Variants in SYTL3 observed in about 807,000 individuals in gnomAD.
The protein encoded by SYTL3 is synaptotagmin like 3.
Under a neutral mutation model 82.1 loss-of-function variants are expected in SYTL3, and 88 were observed. The observed-to-expected ratio is 1.07, with a 90% CI of 0.90 to 1.28. The LOEUF (loss-of-function observed/expected upper bound fraction) is 1.28, where lower values mean the gene tolerates loss of function less well. Ranked by LOEUF, SYTL3 falls within the 50% of genes most tolerant of loss-of-function variation. The pLI, the probability that SYTL3 is intolerant of heterozygous loss-of-function variation, is 0.00. For missense variants in SYTL3, 831 were observed against 757.6 expected (o/e 1.10, Z -1.14); for synonymous variants, 311 against 289.4 (o/e 1.07, Z -0.76).
chr6:158,692,500 C>T (rs886782145), intron 6 of SYTL3, among the ~76,000 whole-genome samples: 3 of 151,814 alleles, frequency 2.0e-5, no homozygotes, highest in Non-Finnish European at 2.9e-5. Context: ...CAGCAGTAAA[C>T]GTGATTGAGT....
chr6:158,692,245 G>C (rs781532158), intron 6 of SYTL3, among the ~76,000 whole-genome samples: 1 of 90,872 alleles, frequency 1.1e-5, no homozygotes, highest in Non-Finnish European at 2.0e-5. Flanking sequence ...GCGACAGAGC[G>C]AGACTCCGTC....
chr6:158,762,285 T>C, intron 16 of SYTL3, 107 bp downstream of exon 16: 1 of 752,552 alleles, frequency 1.3e-6, no homozygotes, highest in Non-Finnish European at 2.1e-6. Flanking sequence ...TAAAACGTCT[T>C]ATTTTAGCTT....
chr6:158,653,629 G>T (rs968532416), intron 2 of SYTL3, among the ~76,000 whole-genome samples: 1 of 152,218 alleles, frequency 6.6e-6, no homozygotes, highest in African/African-American at 2.4e-5. Flanking sequence ...GTGGCTGCAC[G>T]CTGAAGCTGT....
chr6:158,709,787 A>G (rs1464238471), intron 8 of SYTL3, among the ~76,000 whole-genome samples: 2 of 152,338 alleles, frequency 1.3e-5, no homozygotes, highest in Non-Finnish European at 2.9e-5. Flanking sequence ...ATTTTGAAGA[A>G]ATTTATTTAA....
chr6:158,745,461 C>A lies in SYTL3; in HGVS notation c.856-19C>A, dbSNP rs1387922242. ...AATTAACTGAAGTAACTTATTATAT[C>A]TGTTATTCTTGATTTCAGGGAAGTT... On this transcript the variant is annotated intron_variant, in intron 11 of 17. Coordinates refer to ENST00000611299, the MANE Select transcript of SYTL3 (RefSeq NM_001242394.2). 6.3e-7 allele frequency: 1 copy of A among 1,597,704 alleles called. No individual in the cohort carries two copies.
In SYTL3 at chr6:158,707,223, C is replaced by G. The variant is rs778814744; in HGVS notation, c.395-7C>G. ...TAATAAACGCCCTCTATGGATATCT[C>G]TCGCAGGCAAACATGAGACAGTTGG... is the stretch of plus-strand genomic sequence containing the variant. On this transcript the variant is annotated splice_region_variant and splice_polypyrimidine_tract_variant and intron_variant, in intron 6 of 17. Transcript: ENST00000611299. 5.0e-6 allele frequency: 8 copies of G among 1,613,638 alleles called. No individual in the cohort carries two copies. The East Asian group carries it at 1.1e-4, about 22-fold the overall frequency.
At chr6:158,687,957 A>C (rs1309747220) in intron 6 of SYTL3, among the ~76,000 whole-genome samples, 1 of 152,234 alleles carries the variant, frequency 6.6e-6, no homozygotes, top group Non-Finnish European at 1.5e-5. Context: ...GCACACTCCC[A>C]GCCTTCTTTC....
At position 158,665,436 on chromosome 6, in the gene SYTL3, C is replaced by A; in HGVS notation, c.152C>A (p.Ala51Glu). The A allele has an allele frequency of 1.2e-6, 2 of 1,607,426 alleles. No homozygotes were observed. The highest frequency in any genetic ancestry group is 1.7e-6 in the Non-Finnish European group (2 of 1,176,902). ...CTGCAGCATCTCCGGTGGAAAGGAG[C>A]GAAGAACACGGACTGGGAGCACAAA... ...THLQHLRWKG[A>E]KNTDWEHKEK... is the part of the protein sequence containing the mutation. Residue 51 changes from alanine to glutamate, a missense_variant, in exon 5 of 18, where the codon GCG (alanine) becomes GAG (glutamate). Ala to Glu is a moderately radical substitution (Grantham distance 107, BLOSUM62 -1). Transcript: ENST00000611299.
chr6:158,688,864 A>T (rs1779562167), intron 6 of SYTL3, among the ~76,000 whole-genome samples: 1 of 152,226 alleles, frequency 6.6e-6, no homozygotes, highest in African/African-American at 2.4e-5. Flanking sequence ...TAGGCAAAAA[A>T]TTATTGAATA....
Position 158,670,712 on chromosome 6 carries a change from G to A in SYTL3, c.329+5099G>A, listed in dbSNP as rs540788106. Among the ~76,000 whole-genome samples the A allele has an allele frequency of 2.6e-4, 40 of 152,232 alleles. No individual in the cohort carries two copies. In the South Asian group the frequency reaches 7.9e-3, roughly 30 times the overall value. ...GTACAAGAATCGCTGGAACCGGGGG[G>A]CGAAGGTTGCAATGAGCGGAGATCA... On this transcript the variant is annotated intron_variant, in intron 5 of 17. Transcript: ENST00000611299.
chr6:158,747,474 C>G (rs1245451059), intron 12 of SYTL3, among the ~76,000 whole-genome samples: 1 of 152,134 alleles, frequency 6.6e-6, no homozygotes, highest in Non-Finnish European at 1.5e-5. Context: ...AAGGAATCCT[C>G]TCACTTCAGC....
At chr6:158,647,555 T>TG (rs1424700843), upstream of SYTL3, among the ~76,000 whole-genome samples, 4 of 152,238 alleles carry the variant, frequency 2.6e-5, no homozygotes, top group Non-Finnish European at 4.4e-5. Flanking sequence ...TTGTAGTGCT[T>TG]GGAAAAATGC....
chr6:158,726,364 G>A, intron 11 of SYTL3: 1 of 294,834 alleles, frequency 3.4e-6, no homozygotes, highest in Non-Finnish European at 6.6e-6. Flanking sequence ...TGTAGGCTTT[G>A]TTTGTGAATT....
chr6:158,677,136 G>A (rs1037044040), intron 5 of SYTL3, among the ~76,000 whole-genome samples: 2 of 152,130 alleles, frequency 1.3e-5, no homozygotes, highest in Admixed American at 6.5e-5. Context: ...ACTCACAATA[G>A]CAAAGACTTG....
At position 158,718,138 on chromosome 6, in the gene SYTL3, C is replaced by T. The variant is rs1418971417; in HGVS notation, c.647C>T (p.Thr216Met). ...DMTSEKHLLA[T>M]GPRQCVGQTE... ...ACTTCTGAGAAGCATCTTCTCGCCA[C>T]GGGCCCCAGGCAGTGTGTGGGACAG... Residue 216 changes from threonine to methionine, a missense_variant, in exon 10 of 18, where the codon ACG (threonine) becomes ATG (methionine). Coordinates refer to ENST00000611299, the MANE Select transcript of SYTL3 (RefSeq NM_001242394.2). The T allele has an allele frequency of 1.5e-5, 23 of 1,546,070 alleles. No homozygotes were observed. Among genetic ancestry groups the T allele is most frequent in the Middle Eastern group, 1.7e-4 (1 of 5,988 alleles).
upstream of SYTL3, among the ~76,000 whole-genome samples, chr6:158,645,032 C>T (rs376320534): frequency 7.2e-5 from 11 of 152,312 alleles, no homozygotes; most frequent in South Asian, 2.3e-3. Context: ...GGAGGGGAAG[C>T]GTGGTCCCGG....
At chr6:158,751,041 C>T (rs1788323835) in intron 12 of SYTL3, among the ~76,000 whole-genome samples, 1 of 152,312 alleles carries the variant, frequency 6.6e-6, no homozygotes, top group Middle Eastern at 3.4e-3. Context: ...GGTGATCCGT[C>T]CACTTCATCC....
At chr6:158,669,930 C>T (rs1365611908) in intron 5 of SYTL3, among the ~76,000 whole-genome samples, 2 of 152,136 alleles carry the variant, frequency 1.3e-5, no homozygotes, top group African/African-American at 4.8e-5. Context: ...AGTGAGACCT[C>T]GTCTCTGAAA....
At chr6:158,708,422 T>G (rs1378804163) in intron 8 of SYTL3, 31 bp downstream of exon 8, 54 of 1,596,142 alleles carry the variant, frequency 3.4e-5, no homozygotes, top group Non-Finnish European at 4.6e-5. Flanking sequence ...ACTTCTCTAG[T>G]AGGGGTCAGG....
Sources: gnomAD v4.1 joint callset for allele counts (sites outside exome capture counted in the v4.1 genomes callset) on GRCh38, gnomAD v4.1.1 for gene constraint, MANE v1.5 for transcripts, NCBI Gene and HGNC (gene_info 2026-07-23, HGNC 2026-07-21) for gene names.